CFAP45: variants seen among roughly 807,000 people sequenced by gnomAD.
CFAP45 encodes the protein cilia and flagella associated protein 45, also known as cilia- and flagella-associated protein 45.
CFAP45 carries 43 observed loss-of-function variants against 75.6 expected under a neutral mutation model. The observed-to-expected ratio is 0.57, with a 90% CI of 0.45 to 0.73. CFAP45 has a LOEUF of 0.73. Among genes scored for constraint, CFAP45 ranks in the 30% least tolerant of loss-of-function variants. CFAP45 has a pLI of 0.00. For synonymous variants in CFAP45, 223 were observed against 244.6 expected, an observed-to-expected ratio of 0.91 and a Z score of 0.82; for missense variants, 689 against 701.5, an observed-to-expected ratio of 0.98 and a Z score of 0.20.
rs1254629650 is a variant in CFAP45, at chr1:159,872,641, G to A, written c.1578-78C>T. ...GTGGGAGGAAGCAGGCTCTGGGTGGGGTTTACAGAACCTGGGGGCCTGCAC... is the reference window on the plus strand; with the variant it reads ...GTGGGAGGAAGCAGGCTCTGGGTGGAGTTTACAGAACCTGGGGGCCTGCAC... On this transcript the variant is annotated intron_variant, in intron 11 of 11. Transcript: ENST00000368099. 10 of 1,304,994 alleles carry A rather than the reference G, an allele frequency of 7.7e-6. No homozygotes were observed. The Admixed American group carries it at 1.5e-4, about 20-fold the overall frequency. 80.8% of individuals were successfully genotyped at this position (1,304,994 alleles called of 1,614,324 possible).
At position 159,893,183 on chromosome 1, in the gene CFAP45, G is replaced by A. The variant is rs777385725; in HGVS notation, c.126C>T (p.Ile42=). ...GAAAGGACTTGTTGAGGATTACCTT[G>A]ATATCTCCAAAGAGGCTCTCATCCA... The part of the protein sequence containing the change: ...SEVDESLFGD[I]KSPAQGQSDS... The change falls in exon 2 of 12, where the codon ATC becomes ATT. Residue 42 remains isoleucine, a synonymous_variant. Transcript: ENST00000368099. 6.8e-6 allele frequency: 11 copies of A among 1,613,664 alleles called. No homozygotes were observed. The highest frequency in any genetic ancestry group is 8.5e-6 in the Non-Finnish European group (10 of 1,179,796).
intron 11 of CFAP45, 43 bp from the exon 12 acceptor site, chr1:159,872,606 C>T: frequency 6.4e-7 from 1 of 1,554,782 alleles, no homozygotes; most frequent in South Asian, 1.1e-5. Context: ...GGTATTGGAC[C>T]AGACAGGAGG....
At chr1:159,879,985 T>C (rs1365917356) in intron 8 of CFAP45, among the ~76,000 whole-genome samples, 1 of 152,238 alleles carries the variant, frequency 6.6e-6, no homozygotes, top group African/African-American at 2.4e-5. Flanking sequence ...CCAATCATTT[T>C]ATTACTCAAT....
intron 8 of CFAP45, among the ~76,000 whole-genome samples, chr1:159,878,753 T>TAAAAAAAAACAAAAAAAAAAAAAAAAA (rs1649469678): frequency 3.1e-5 from 1 of 32,496 alleles, no homozygotes; most frequent in Non-Finnish European, 5.8e-5. Flanking sequence ...AGACTACATC[T>TAAAAAAAAACAAAAAAAAAAAAAAAAA]AAAAAAAAAA....
At chr1:159,896,027 C>T (rs531506723) in intron 1 of CFAP45, among the ~76,000 whole-genome samples, 5 of 152,358 alleles carry the variant, frequency 3.3e-5, no homozygotes, top group Admixed American at 3.3e-4. Context: ...CTCCAAGTCA[C>T]TCCACCATTC....
At chr1:159,881,356 T>C (rs1197066862) in intron 7 of CFAP45, among the ~76,000 whole-genome samples, 1 of 152,246 alleles carries the variant, frequency 6.6e-6, no homozygotes, top group Non-Finnish European at 1.5e-5. Flanking sequence ...CTGGAAATCT[T>C]GCTTGATTGC....
Position 159,880,594 on chromosome 1 carries a change from A to G in CFAP45, c.1004T>C (p.Leu335Pro). The G allele has an allele frequency of 6.2e-7, 1 of 1,613,812 alleles. No homozygotes were observed. The highest frequency in any genetic ancestry group is 1.3e-5 in the African/African-American group (1 of 75,026). ...QKAELLAQEKLADQMVMEFTK... is the reference protein window; with the variant it reads ...QKAELLAQEKPADQMVMEFTK... Reference sequence around the variant, plus strand: ...AAACTCCATCACCATCTGGTCTGCCAGCTTCTCCTGAGCCAGCAGTTCTGC... The same window carrying G: ...AAACTCCATCACCATCTGGTCTGCCGGCTTCTCCTGAGCCAGCAGTTCTGC... The change falls in exon 8 of 12, where the codon CTG becomes CCG. Residue 335 changes from leucine (L) to proline (P), a missense_variant. Transcript: ENST00000368099.
chr1:159,888,323 AG>A lies in CFAP45; in HGVS notation c.417+28del, dbSNP rs780237970. 6.2e-6 allele frequency: 10 copies of A among 1,610,038 alleles called. No homozygotes were observed. In the African/African-American group the frequency reaches 1.3e-4, roughly 22 times the overall value. ...CATTTTGATTCTGCCACCCATCTGC[AG>A]AGGTGAAGGCTTAGGGAGGTTAACT... On this transcript the variant is annotated intron_variant, in intron 4 of 11. Transcript: ENST00000368099.
At chr1:159,891,643 C>T (rs1649833684) in intron 2 of CFAP45, among the ~76,000 whole-genome samples, 1 of 152,222 alleles carries the variant, frequency 6.6e-6, no homozygotes, top group South Asian at 2.1e-4. Flanking sequence ...CCACTGTGCT[C>T]CTGACCAGAG....
At chr1:159,893,409 T>C (rs1453061862) in intron 1 of CFAP45, 104 bp from the exon 2 acceptor site, 9 of 1,143,644 alleles carry the variant, frequency 7.9e-6, no homozygotes, top group Non-Finnish European at 1.2e-5. Flanking sequence ...GGTGGGCATG[T>C]GAAAAAGAAA....
At chr1:159,893,059 G>T in intron 2 of CFAP45, 121 bp downstream of exon 2, 3 of 1,119,564 alleles carry the variant, frequency 2.7e-6, no homozygotes, top group East Asian at 2.5e-5. Flanking sequence ...ATTCCCCTTT[G>T]TCTTCAGTCT....
intron 1 of CFAP45, among the ~76,000 whole-genome samples, chr1:159,893,895 A>T (rs1221165194): frequency 6.6e-6 from 1 of 151,020 alleles, no homozygotes; most frequent in African/African-American, 2.4e-5. Flanking sequence ...ACATGTATAC[A>T]ATAATATATA....
chr1:159,880,404 A>T (rs780130634), intron 8 of CFAP45, 150 bp downstream of exon 8: 77 of 690,418 alleles, frequency 1.1e-4, no homozygotes, highest in Admixed American at 2.5e-4. Flanking sequence ...AGATGAAGAG[A>T]CAAAGAAGCC....
chr1:159,896,208 T>C (rs1193015962), intron 1 of CFAP45, among the ~76,000 whole-genome samples: 1 of 152,244 alleles, frequency 6.6e-6, no homozygotes, highest in African/African-American at 2.4e-5. Context: ...TGCAGGTTCC[T>C]CCAGGGCTGA....
At chr1:159,873,827 C>CTCCTTCCTTCCTTCCT (rs72383149) in intron 10 of CFAP45, among the ~76,000 whole-genome samples, 7 of 134,520 alleles carry the variant, frequency 5.2e-5, no homozygotes, top group Admixed American at 2.4e-4. Flanking sequence ...GAGATTTCTT[C>CTCCTTCCTTCCTTCCT]TCCTTCCTTC....
chr1:159,873,964 C>T (rs1649343832), intron 10 of CFAP45, among the ~76,000 whole-genome samples: 2 of 146,296 alleles, frequency 1.4e-5, no homozygotes, highest in African/African-American at 5.0e-5. Flanking sequence ...ACCCTGGTTA[C>T]TGGAAGGAAG....
intron 7 of CFAP45, among the ~76,000 whole-genome samples, 156 bp from the exon 8 acceptor site, chr1:159,880,856 G>A (rs1268419454): frequency 6.6e-6 from 1 of 152,014 alleles, no homozygotes; most frequent in Non-Finnish European, 1.5e-5. Flanking sequence ...TTTTTTCAAG[G>A]GTCATAAATA....
intron 8 of CFAP45, 116 bp downstream of exon 8, chr1:159,880,438 A>G (rs551076921): frequency 9.1e-6 from 8 of 878,756 alleles, no homozygotes; most frequent in Non-Finnish European, 1.4e-5. Flanking sequence ...AAGGATGTGC[A>G]TCTTAGAATG....
chr1:159,872,546 T>G lies in CFAP45; in HGVS notation c.1595A>C (p.Glu532Ala). The change falls in exon 12 of 12, where the codon GAG (glutamate) becomes GCG (alanine). Residue 532 changes from glutamate to alanine, a missense_variant. Physicochemically the swap from Glu to Ala is moderately radical, Grantham distance 107. Coordinates refer to ENST00000368099, the MANE Select transcript of CFAP45 (RefSeq NM_012337.3). ...LEELRATGLP[E>A]KYCIEAERKA... ...GCGCTCAGCTTCAATGCAGTACTTC[T>G]CGGGAAGGCCAGTGGCTCTGCCGGG... The G allele has an allele frequency of 6.2e-7, 1 of 1,614,080 alleles. No homozygotes were observed. The highest frequency in any genetic ancestry group is 8.5e-7 in the Non-Finnish European group (1 of 1,179,988).
Sources: gnomAD v4.1 joint callset for allele counts (sites outside exome capture counted in the v4.1 genomes callset) on GRCh38, gnomAD v4.1.1 for gene constraint, MANE v1.5 for transcripts, NCBI Gene and HGNC (gene_info 2026-07-23, HGNC 2026-07-21) for gene names.